The following PDE4D variants were observed in gnomAD, a reference collection of about 807,000 sequenced individuals.
PDE4D encodes the protein 3',5'-cyclic-AMP phosphodiesterase 4D.
A neutral mutation model predicts 87.4 loss-of-function variants in PDE4D; 24 were observed. That is an observed-to-expected ratio of 0.27 (90% CI 0.20 to 0.39). The LOEUF (loss-of-function observed/expected upper bound fraction) is 0.39, where lower values mean the gene tolerates loss of function less well. Ranked by LOEUF, PDE4D falls within the 10% of genes least tolerant of loss-of-function variation. PDE4D has a pLI of 1.00. For missense variants in PDE4D, 714 were observed against 1,041.0 expected, an observed-to-expected ratio of 0.69 and a Z score of 4.32; for synonymous variants, 384 against 383.2, an observed-to-expected ratio of 1.00 and a Z score of -0.02.
chr5:60,047,642 G>C lies in PDE4D; in HGVS notation c.43-58925C>G, dbSNP rs1769462700. Among the ~76,000 whole-genome samples the C allele has an allele frequency of 2.0e-5, 3 of 152,200 alleles. No individual in the cohort carries two copies. In the South Asian group the frequency reaches 6.2e-4, roughly 32 times the overall value. ...CGTTATGTACCCAGTAGTCATTCAG[G>C]AGCAGGTTGTTCAGTTTCCATGTAG... On this transcript the variant is annotated intron_variant, in intron 2 of 16. Coordinates refer to the PDE4D transcript ENST00000502484.
intron 3 of PDE4D, among the ~76,000 whole-genome samples, chr5:59,949,236 C>A (rs1758024185): frequency 1.3e-5 from 2 of 152,034 alleles, no homozygotes; most frequent in South Asian, 4.2e-4. Context: ...TCGAGACCAT[C>A]CTGGCTATCA....
chr5:59,323,983 A>G (rs1001944434), intron 1 of PDE4D, among the ~76,000 whole-genome samples: 1 of 152,022 alleles, frequency 6.6e-6, no homozygotes, highest in Non-Finnish European at 1.5e-5. Context: ...ATTTTTCTGC[A>G]TCTCCCCAAA....
intron 2 of PDE4D, among the ~76,000 whole-genome samples, chr5:60,179,269 G>C (rs1217791385): frequency 2.0e-5 from 3 of 152,050 alleles, no homozygotes; most frequent in Non-Finnish European, 4.4e-5. Flanking sequence ...TGGCCTTGCT[G>C]TCATGGCTTT....
intron 6 of PDE4D, among the ~76,000 whole-genome samples, chr5:58,997,425 G>C (rs1401310291): frequency 6.6e-6 from 1 of 151,988 alleles, no homozygotes; most frequent in Admixed American, 6.6e-5. Context: ...TTACCAAAGG[G>C]GGAAGGACTG....
intron 5 of PDE4D, among the ~76,000 whole-genome samples, chr5:59,065,834 G>A (rs1763844815): frequency 6.6e-6 from 1 of 152,024 alleles, no homozygotes; most frequent in African/African-American, 2.4e-5. Context: ...TATGATTTGG[G>A]ACTCTCTTAT....
chr5:60,140,946 T>C (rs148381538), intron 2 of PDE4D, among the ~76,000 whole-genome samples: 82 of 152,296 alleles, frequency 5.4e-4, no homozygotes, highest in Middle Eastern at 6.8e-3. Context: ...TATAGGACTA[T>C]TTTATAGACG....
chr5:60,239,690 G>A (rs1746858887), intron 1 of PDE4D, among the ~76,000 whole-genome samples: 1 of 151,940 alleles, frequency 6.6e-6, no homozygotes, highest in Admixed American at 6.6e-5. Flanking sequence ...AATTTTTGCT[G>A]TATTCATGGT....
chr5:60,207,304 A>G (rs1583072475), intron 1 of PDE4D, among the ~76,000 whole-genome samples: 1 of 152,206 alleles, frequency 6.6e-6, no homozygotes, highest in East Asian at 1.9e-4. Context: ...ATGAGACTAT[A>G]TGAGGCTTTG....
chr5:59,884,577 G>A (rs1749899256), intron 1 of PDE4D, among the ~76,000 whole-genome samples: 1 of 151,844 alleles, frequency 6.6e-6, no homozygotes, highest in African/African-American at 2.4e-5. Context: ...GTTTCCAGAT[G>A]TATACTATTA....
chr5:59,502,191 T>C (rs550655234), intron 1 of PDE4D, among the ~76,000 whole-genome samples: 5 of 152,270 alleles, frequency 3.3e-5, no homozygotes, highest in Middle Eastern at 3.4e-3. Flanking sequence ...CTCAATAGCA[T>C]GAACATATAA....
intron 1 of PDE4D, among the ~76,000 whole-genome samples, chr5:59,472,831 T>C (rs115188374): frequency 0.025 from 3,770 of 152,210 alleles, 74 homozygotes; most frequent in Non-Finnish European, 0.036. Flanking sequence ...TAATACATCT[T>C]AATGACTTAA....
At chr5:60,300,534 T>G (rs1753802278) in intron 1 of PDE4D, among the ~76,000 whole-genome samples, 1 of 152,122 alleles carries the variant, frequency 6.6e-6, no homozygotes, top group African/African-American at 2.4e-5. Context: ...TGGTTTTGGG[T>G]TTTACATTTA....
At chr5:60,220,454 T>A (rs1744367987) in intron 1 of PDE4D, among the ~76,000 whole-genome samples, 1 of 152,138 alleles carries the variant, frequency 6.6e-6, no homozygotes, top group Admixed American at 6.5e-5. Flanking sequence ...ACCTGGGGAC[T>A]TTTAGAAACT....
At chr5:60,319,973 G>GA in intron 1 of PDE4D, among the ~76,000 whole-genome samples, 1 of 152,330 alleles carries the variant, frequency 6.6e-6, no homozygotes, top group East Asian at 1.9e-4. Context: ...CAGATCTCCA[G>GA]CTGCGTGCTG....
intron 6 of PDE4D, among the ~76,000 whole-genome samples, chr5:59,033,961 CAG>C (rs1307972135): frequency 1.3e-5 from 2 of 152,080 alleles, no homozygotes; most frequent in South Asian, 2.1e-4. Context: ...CGGATGACAA[CAG>C]AGACAAGTTA....
At chr5:60,178,143 A>C (rs562953800) in intron 2 of PDE4D, among the ~76,000 whole-genome samples, 1 of 152,264 alleles carries the variant, frequency 6.6e-6, no homozygotes, top group South Asian at 2.1e-4. Context: ...TAATTTCCTC[A>C]AAAAATACTG....
chr5:60,193,428 T>C (rs1785353600), intron 1 of PDE4D, among the ~76,000 whole-genome samples: 1 of 151,966 alleles, frequency 6.6e-6, no homozygotes, highest in Non-Finnish European at 1.5e-5. Flanking sequence ...CCCAGCACTT[T>C]GGGAGGCCGA....
At chr5:59,617,661 C>G (rs1051465924) in intron 1 of PDE4D, among the ~76,000 whole-genome samples, 3 of 152,176 alleles carry the variant, frequency 2.0e-5, no homozygotes, top group East Asian at 1.9e-4. Flanking sequence ...CTGCTACAAG[C>G]AAAGGAACTA....
chr5:59,347,527 C>T (rs1240608021), intron 1 of PDE4D, among the ~76,000 whole-genome samples: 1 of 152,124 alleles, frequency 6.6e-6, no homozygotes, highest in African/African-American at 2.4e-5. Flanking sequence ...TGTAGGCAGA[C>T]ACAGACACAT....
Sources: gnomAD v4.1 joint callset for allele counts (sites outside exome capture counted in the v4.1 genomes callset) on GRCh38, gnomAD v4.1.1 for gene constraint, MANE v1.5 for transcripts, NCBI Gene and HGNC (gene_info 2026-07-23, HGNC 2026-07-21) for gene names.